Variants in ALX3 observed in about 807,000 individuals in gnomAD.
ALX3 encodes the protein ALX homeobox 3.
A neutral mutation model predicts 26.3 loss-of-function variants in ALX3; 17 were observed. The observed-to-expected ratio is 0.65, with a 90% CI of 0.44 to 0.97. The LOEUF (loss-of-function observed/expected upper bound fraction) is 0.97. Among genes scored for constraint, ALX3 ranks in the 50% least tolerant of loss-of-function variants. ALX3 has a pLI of 0.00. For missense variants in ALX3, 461 were observed against 466.5 expected (o/e 0.99, Z 0.11); for synonymous variants, 208 against 201.4 (o/e 1.03, Z -0.28).
intron 2 of ALX3, chr1:110,062,051 A>G (rs1653661464): frequency 6.2e-6 from 1 of 160,494 alleles, no homozygotes; most frequent in Non-Finnish European, 1.4e-5. Flanking sequence ...TCCAGAGCAT[A>G]GCTTCTTAAC....
intron 2 of ALX3, chr1:110,062,385 C>T (rs554122211): frequency 2.4e-4 from 37 of 152,384 alleles, no homozygotes; most frequent in African/African-American, 8.4e-4. Context: ...GTGTTGTGCA[C>T]ATCTGTGTAC....
chr1:110,061,623 G>C, intron 2 of ALX3, 60 bp from the exon 3 acceptor site: 2 of 1,605,800 alleles, frequency 1.2e-6, no homozygotes, highest in Non-Finnish European at 1.7e-6. Context: ...AAAGGAGCCT[G>C]CTAGGGAGAG....
In ALX3 at chr1:110,070,605, G is replaced by C; in HGVS notation, c.8C>G (p.Pro3Arg). 1.6e-6 allele frequency: 2 copies of C among 1,256,448 alleles called. No homozygotes were observed. The highest frequency in any genetic ancestry group is 2.9e-5 in the South Asian group (1 of 34,438). The allele number at this position is 1,256,448 out of a possible 1,614,324, so 77.8% of individuals were successfully genotyped here. A position where few individuals can be genotyped will look rare whatever the true frequency, so the allele number is the denominator to read the frequency against. ...CACGCGGAAAGGCGCGCAGTGCTCG[G>C]GGTCCATGCCGGCTCAGGGCGCACA... Reference protein sequence around the residue: MDPEHCAPFRVGP... With the variant: MDREHCAPFRVGP... Residue 3 changes from proline to arginine, a missense_variant, in exon 1 of 4, where the codon CCC becomes CGC. By Grantham distance (103) the Pro-to-Arg change is moderately radical (BLOSUM62 -2). This residue lies in a region of ALX3 where 241 missense variants were observed against 206.1 expected (regional missense o/e 1.17). Transcript: ENST00000647563.
intron 2 of ALX3, chr1:110,062,308 A>T (rs761497326): frequency 6.6e-6 from 1 of 152,296 alleles, no homozygotes; most frequent in African/African-American, 2.4e-5. Flanking sequence ...CATTACCATG[A>T]TCTGTTTTGG....
chr1:110,068,044 AGT>A (rs1219827245), intron 1 of ALX3, among the ~76,000 whole-genome samples: 5 of 152,176 alleles, frequency 3.3e-5, no homozygotes, highest in African/African-American at 1.2e-4. Context: ...ACGGCGCGAG[AGT>A]GGCTGGCAGC....
intron 2 of ALX3, among the ~76,000 whole-genome samples, chr1:110,062,789 G>T (rs1049624188): frequency 2.0e-5 from 3 of 152,116 alleles, no homozygotes; most frequent in African/African-American, 7.2e-5. Flanking sequence ...AAGAAAGCAG[G>T]CCTGCAGCAA....
At position 110,064,592 on chromosome 1, in the gene ALX3, C is replaced by T; in HGVS notation, c.589G>A (p.Val197Ile). Residue 197 changes from valine (V) to isoleucine (I), a missense_variant, in exon 2 of 4, where the codon GTA (valine) becomes ATA (isoleucine). By Grantham distance (29) the Val-to-Ile change is conservative (BLOSUM62 3). Transcript: ENST00000647563. ...ALRTDLTEARVQVWFQNRRAK... is the reference protein window; with the variant it reads ...ALRTDLTEARIQVWFQNRRAK... Reference sequence around the variant, plus strand: ...CATCCTTGCAGTGCCCTCACCTGTACCCGGGCCTCAGTCAGGTCTGTGCGC... The same window carrying T: ...CATCCTTGCAGTGCCCTCACCTGTATCCGGGCCTCAGTCAGGTCTGTGCGC... 1 of 1,614,058 alleles carries T rather than the reference C, an allele frequency of 6.2e-7. No individual in the cohort carries two copies. Among genetic ancestry groups the T allele is most frequent in the Non-Finnish European group, 8.5e-7 (1 of 1,180,040 alleles).
At chr1:110,070,192 G>A in intron 1 of ALX3, 144 bp downstream of exon 1, 2 of 958,834 alleles carry the variant, frequency 2.1e-6, no homozygotes, top group Non-Finnish European at 2.7e-6. Flanking sequence ...CCCGGCTTCC[G>A]TGGAAGCCGT....
At chr1:110,065,785 A>C (rs1477353701) in intron 1 of ALX3, among the ~76,000 whole-genome samples, 1 of 152,236 alleles carries the variant, frequency 6.6e-6, no homozygotes. Context: ...AGTTTCCAGC[A>C]GCCCCACTCT....
chr1:110,062,844 CTT>C (rs1653688150), intron 2 of ALX3, among the ~76,000 whole-genome samples: 1 of 152,160 alleles, frequency 6.6e-6, no homozygotes, highest in Non-Finnish European at 1.5e-5. Context: ...CCTGGATTTC[CTT>C]TCTCTGCTCT....
intron 1 of ALX3, among the ~76,000 whole-genome samples, chr1:110,067,892 GGGACTCTCCTCGACTTTGGC>G (rs1553196730): frequency 2.0e-5 from 3 of 151,456 alleles, no homozygotes; most frequent in Non-Finnish European, 4.4e-5. Flanking sequence ...CTAAGAACTT[GGGACTCTCCTCGACTTTGGC>G]GATCGGCCGG....
intron 1 of ALX3, among the ~76,000 whole-genome samples, chr1:110,068,169 TG>T (rs1653833760): frequency 6.6e-6 from 1 of 152,208 alleles, no homozygotes; most frequent in African/African-American, 2.4e-5. Flanking sequence ...CGCCAGGCTC[TG>T]GGGCGCGCAA....
intron 2 of ALX3, chr1:110,062,413 G>T (rs925991501): frequency 6.6e-6 from 1 of 152,196 alleles, no homozygotes; most frequent in Non-Finnish European, 1.5e-5. Context: ...TGATGAATTC[G>T]TTGTTTGGTA....
At position 110,070,355 on chromosome 1, in the gene ALX3, G is replaced by A. The variant is rs842021; in HGVS notation, c.258C>T (p.Phe86=). The change falls in exon 1 of 4, where the codon TTC becomes TTT. Residue 86 remains phenylalanine, a synonymous_variant. Transcript: ENST00000647563. ...CGTTACCTTCCGCGGGGCCCTCGTA[G>A]AAGTGGCCGCCGTTGAGGGCCGGGC... ...GPGPALNGGH[F]YEGPAEAEEK... is the part of the protein sequence containing the mutation. The A allele has an allele frequency of 7.7e-7, 1 of 1,290,458 alleles. No homozygotes were observed. Among genetic ancestry groups the A allele is most frequent in the Admixed American group, 3.1e-5 (1 of 32,258 alleles). 79.9% of individuals were successfully genotyped at this position (1,290,458 alleles called of 1,614,324 possible).
At position 110,070,393 on chromosome 1, in the gene ALX3, C is replaced by T; in HGVS notation, c.220G>A (p.Asp74Asn). The T allele has an allele frequency of 7.8e-7, 1 of 1,284,568 alleles. No homozygotes were observed. The highest frequency in any genetic ancestry group is 9.8e-7 in the Non-Finnish European group (1 of 1,016,678). 79.6% of individuals were successfully genotyped at this position (1,284,568 alleles called of 1,614,324 possible). ...PAKPPAKYLQ[D>N]LGPGPALNGG... ...TTGAGGGCCGGGCCGGGCCCGAGGT[C>T]CTGCAGGTACTTGGCGGGCGGCTTG... is the stretch of plus-strand genomic sequence containing the variant. The change falls in exon 1 of 4, where the codon GAC becomes AAC. Residue 74 changes from aspartate (D) to asparagine (N), a missense_variant. Physicochemically the swap from Asp to Asn is conservative, Grantham distance 23 (BLOSUM62 1). Coordinates refer to ENST00000647563, the MANE Select transcript of ALX3 (RefSeq NM_006492.3).
chr1:110,061,433 A>T lies in ALX3; in HGVS notation c.723+2T>A, dbSNP rs1653639909. 1 of 1,614,016 alleles carries T rather than the reference A, an allele frequency of 6.2e-7. No homozygotes were observed. The highest frequency in any genetic ancestry group is 2.2e-5 in the East Asian group (1 of 44,884). ...CTGGTTCAGGTAGGGCTGGGGTCTTACCTGAGGGTGGCTGTCAGTACGGGG... is the reference window on the plus strand; with the variant it reads ...CTGGTTCAGGTAGGGCTGGGGTCTTTCCTGAGGGTGGCTGTCAGTACGGGG... On this transcript the variant is annotated splice_donor_variant, in intron 3 of 3. Coordinates refer to ENST00000647563, the MANE Select transcript of ALX3 (RefSeq NM_006492.3). LOFTEE classifies it high-confidence loss of function.
rs776099801 is a variant in ALX3, at chr1:110,061,409, TG to T, written c.723+25del. On this transcript the variant is annotated intron_variant, in intron 3 of 3. Coordinates refer to ENST00000647563, the MANE Select transcript of ALX3 (RefSeq NM_006492.3). ...TCTTTTTGGTGACCCTGCCAGGTCC[TG>T]GTTCAGGTAGGGCTGGGGTCTTACC... The T allele has an allele frequency of 8.1e-6, 13 of 1,614,086 alleles. No homozygotes were observed. The East Asian group carries it at 2.2e-4, about 28-fold the overall frequency.
At chr1:110,065,798 C>T (rs1453554669) in intron 1 of ALX3, among the ~76,000 whole-genome samples, 1 of 152,254 alleles carries the variant, frequency 6.6e-6, no homozygotes, top group Non-Finnish European at 1.5e-5. Flanking sequence ...CCCACTCTGA[C>T]ATGCTAACCC....
Position 110,060,831 on chromosome 1 carries a change from A to C in ALX3, c.934T>G (p.Phe312Val). ...TAGTCACCATCTGAGGAAGGCTCAA[A>C]GCTGTGGCCCCCCAGGGTGGGGGGA... is the stretch of plus-strand genomic sequence containing the variant. ...GFPPTLGGHS[F>V]EPSSDGDYKS... The change falls in exon 4 of 4, where the codon TTT becomes GTT. Residue 312 changes from phenylalanine to valine, a missense_variant. By Grantham distance (50) the Phe-to-Val change is conservative. Around this residue, in one of 3 missense-constraint regions of ALX3, gnomAD observed 169 missense variants for 178.0 expected, o/e 0.95. Coordinates refer to ENST00000647563, the MANE Select transcript of ALX3 (RefSeq NM_006492.3). 3.1e-6 allele frequency: 5 copies of C among 1,614,066 alleles called. No homozygotes were observed. Among genetic ancestry groups the C allele is most frequent in the Non-Finnish European group, 3.4e-6 (4 of 1,180,010 alleles).
Sources: allele counts gnomAD v4.1 joint callset (sites outside exome capture counted in the v4.1 genomes callset), GRCh38; gene constraint gnomAD v4.1.1; regional missense constraint gnomAD v4.1.1; transcripts MANE v1.5; gene names NCBI Gene and HGNC (gene_info 2026-07-23, HGNC 2026-07-21).